PHLPP1: variants seen among roughly 807,000 people sequenced by gnomAD.
PHLPP1 encodes PH domain and leucine rich repeat protein phosphatase 1.
In PHLPP1, 42 loss-of-function variants were observed where a neutral mutation model predicts 117.2. The ratio of observed to expected loss-of-function variants is 0.36; its 90% CI spans 0.28 to 0.46. The LOEUF is 0.46. Among genes scored for constraint, PHLPP1 ranks in the 20% least tolerant of loss-of-function variants. The probability of loss-of-function intolerance (pLI) is 1.00; values close to 1 mark genes in which losing one functional copy is unlikely to be tolerated. For missense variants in PHLPP1, 2,084 were observed against 2,241.9 expected, an observed-to-expected ratio of 0.93 and a Z score of 1.42; for synonymous variants, 1,042 against 970.7, an observed-to-expected ratio of 1.07 and a Z score of -1.37.
intron 5 of PHLPP1, among the ~76,000 whole-genome samples, 195 bp downstream of exon 5, chr18:62,895,352 A>C (rs972567488): frequency 6.6e-6 from 1 of 152,246 alleles, no homozygotes; most frequent in Non-Finnish European, 1.5e-5. Flanking sequence ...TTGTAAAAAA[A>C]TTAAATATTC....
intron 1 of PHLPP1, among the ~76,000 whole-genome samples, chr18:62,734,027 T>G (rs1911298635): frequency 6.6e-6 from 1 of 152,198 alleles, no homozygotes; most frequent in African/African-American, 2.4e-5. Context: ...TCGTTTTGAT[T>G]TTTTGAAACA....
chr18:62,736,325 A>T (rs1416748630), intron 1 of PHLPP1, among the ~76,000 whole-genome samples: 1 of 152,126 alleles, frequency 6.6e-6, no homozygotes, highest in Admixed American at 6.5e-5. Flanking sequence ...GCATGGTGGG[A>T]GTGGGAGAGA....
intron 1 of PHLPP1, among the ~76,000 whole-genome samples, chr18:62,821,280 T>C (rs1024722700): frequency 6.6e-6 from 1 of 151,634 alleles, no homozygotes; most frequent in African/African-American, 2.4e-5. Flanking sequence ...AGAAAAAATA[T>C]ATGTTAGTAA....
intron 10 of PHLPP1, among the ~76,000 whole-genome samples, chr18:62,924,189 A>G (rs1909557088): frequency 6.6e-6 from 1 of 152,228 alleles, no homozygotes; most frequent in African/African-American, 2.4e-5. Flanking sequence ...GTGTTTGGCA[A>G]ATAGCTGCAG....
At chr18:62,916,605 G>GGGGTGTGTGTGT (rs1555681660) in intron 9 of PHLPP1, among the ~76,000 whole-genome samples, 41 of 145,840 alleles carry the variant, frequency 2.8e-4, no homozygotes, top group Middle Eastern at 3.6e-3. Flanking sequence ...CAAGAGGGTG[G>GGGGTGTGTGTGT]GTGTGTGTGT....
intron 3 of PHLPP1, among the ~76,000 whole-genome samples, chr18:62,859,472 A>G (rs1915577915): frequency 6.6e-6 from 1 of 152,240 alleles, no homozygotes. Context: ...AAATACTTAC[A>G]TGAAGCAAAG....
At chr18:62,971,598 C>T (rs966619935) in intron 14 of PHLPP1, among the ~76,000 whole-genome samples, 2 of 152,188 alleles carry the variant, frequency 1.3e-5, no homozygotes, top group Middle Eastern at 3.2e-3. Context: ...ACCACAGCCT[C>T]CACCTGGGTC....
chr18:62,872,588 A>T (rs909324284), intron 4 of PHLPP1, among the ~76,000 whole-genome samples: 3 of 152,098 alleles, frequency 2.0e-5, no homozygotes, highest in Admixed American at 1.3e-4. Flanking sequence ...GCTACTCCAG[A>T]GGCTGAGGCA....
At chr18:62,848,380 C>T (rs939975752) in intron 3 of PHLPP1, among the ~76,000 whole-genome samples, 1 of 151,524 alleles carries the variant, frequency 6.6e-6, no homozygotes, top group African/African-American at 2.4e-5. Flanking sequence ...ATTTGGCAAG[C>T]ACTGTTGAAG....
At chr18:62,772,704 G>T (rs991753733) in intron 1 of PHLPP1, among the ~76,000 whole-genome samples, 2 of 151,714 alleles carry the variant, frequency 1.3e-5, no homozygotes, top group Non-Finnish European at 2.9e-5. Context: ...AGTGGCACAT[G>T]CCTGTAGTAC....
In PHLPP1 at chr18:62,902,988, A is replaced by T. The variant is rs777155145; in HGVS notation, c.2469A>T (p.Ile823=). The change falls in exon 7 of 17, where the codon ATA becomes ATT. Residue 823 remains isoleucine, a synonymous_variant. Coordinates refer to ENST00000262719, the MANE Select transcript of PHLPP1 (RefSeq NM_194449.4). ...DLRLNVIRKL[I]ADEVDFLQHV... ...GGTTGAACGTAATTAGGAAGCTGAT[A>T]GCAGATGAAGTGGACTTTCTACAGC... 26 of 1,611,960 alleles carry T rather than the reference A, an allele frequency of 1.6e-5. No homozygotes were observed. In the South Asian group the frequency reaches 2.7e-4, roughly 17 times the overall value.
At chr18:62,746,289 C>T (rs527521416) in intron 1 of PHLPP1, among the ~76,000 whole-genome samples, 1 of 152,242 alleles carries the variant, frequency 6.6e-6, no homozygotes, top group African/African-American at 2.4e-5. Flanking sequence ...AGGTGATCCA[C>T]CCTCCTTGGC....
chr18:62,955,474 G>A (rs1174741286), intron 12 of PHLPP1, among the ~76,000 whole-genome samples: 1 of 152,130 alleles, frequency 6.6e-6, no homozygotes. Flanking sequence ...AGCCCTCCGG[G>A]GGAAATGGGA....
intron 1 of PHLPP1, among the ~76,000 whole-genome samples, chr18:62,805,190 C>A (rs1032612940): frequency 1.4e-4 from 20 of 141,128 alleles, no homozygotes; most frequent in African/African-American, 5.0e-4. Context: ...GTATAATATA[C>A]ACTGCATAGG....
chr18:62,912,784 T>A (rs915550772), intron 8 of PHLPP1, among the ~76,000 whole-genome samples: 1 of 152,062 alleles, frequency 6.6e-6, no homozygotes, highest in Non-Finnish European at 1.5e-5. Context: ...CATGCCTGGC[T>A]AATTTTCTTG....
chr18:62,770,991 G>C (rs1426661034), intron 1 of PHLPP1, among the ~76,000 whole-genome samples: 1 of 152,128 alleles, frequency 6.6e-6, no homozygotes, highest in Non-Finnish European at 1.5e-5. Context: ...GGCCGAGGTG[G>C]GTGGATCACC....
chr18:62,888,446 A>T (rs2144391795), intron 4 of PHLPP1, among the ~76,000 whole-genome samples: 1 of 152,054 alleles, frequency 6.6e-6, no homozygotes, highest in African/African-American at 2.4e-5. Flanking sequence ...CACACCTGTA[A>T]TCCCAGTACT....
intron 9 of PHLPP1, among the ~76,000 whole-genome samples, chr18:62,916,605 G>GGTGGGTGTGTGTGTGTGTGT (rs1555681661): frequency 6.9e-6 from 1 of 145,768 alleles, no homozygotes; most frequent in African/African-American, 2.5e-5. Context: ...CAAGAGGGTG[G>GGTGGGTGTGTGTGTGTGTGT]GTGTGTGTGT....
chr18:62,856,130 A>G (rs144750100), intron 3 of PHLPP1, among the ~76,000 whole-genome samples: 1 of 152,152 alleles, frequency 6.6e-6, no homozygotes, highest in African/African-American at 2.4e-5. Flanking sequence ...TGAGTGTACT[A>G]TGGCATTTTA....
Sources: gnomAD v4.1 joint callset for allele counts (sites outside exome capture counted in the v4.1 genomes callset) on GRCh38, gnomAD v4.1.1 for gene constraint, MANE v1.5 for transcripts, NCBI Gene and HGNC (gene_info 2026-07-23, HGNC 2026-07-21) for gene names.